Variants in IGFL2 observed in about 807,000 individuals in gnomAD.
IGFL2 encodes the protein insulin growth factor-like family member 2.
In IGFL2, 7 loss-of-function variants were observed where a neutral mutation model predicts 13.9. The ratio of observed to expected loss-of-function variants is 0.51; its 90% CI spans 0.29 to 0.95. The LOEUF is 0.95. Ranked by LOEUF, IGFL2 falls within the 40% of genes least tolerant of loss-of-function variation. The pLI, the probability that IGFL2 is intolerant of heterozygous loss-of-function variation, is 0.08. For missense variants in IGFL2, 138 were observed against 147.8 expected, an observed-to-expected ratio of 0.93 and a Z score of 0.34; for synonymous variants, 55 against 55.8, an observed-to-expected ratio of 0.99 and a Z score of 0.07.
chr19:46,194,850 ATATT>A, the IGFL2 span, among the ~76,000 whole-genome samples: 418 of 35,442 alleles, frequency 0.012, no homozygotes, highest in Admixed American at 0.02. Flanking sequence ...ATATATATAT[ATATT>A]TTTTTTTTTT....
At chr19:46,144,747 T>C (rs1600879200), upstream of IGFL2, among the ~76,000 whole-genome samples, 2 of 152,194 alleles carry the variant, frequency 1.3e-5, no homozygotes, top group South Asian at 2.1e-4. Context: ...TATAGATTCA[T>C]GTAGTCACGA....
chr19:46,209,732 T>G, the IGFL2 span: 1 of 152,080 alleles, frequency 6.6e-6, no homozygotes, highest in East Asian at 1.9e-4. Flanking sequence ...ACCTCTCCCC[T>G]CTCCTCAGAA....
At chr19:46,114,515 C>T in the IGFL2 span, among the ~76,000 whole-genome samples, 3 of 152,166 alleles carry the variant, frequency 2.0e-5, no homozygotes, top group Non-Finnish European at 4.4e-5. Context: ...TGGTTTGGCT[C>T]TGTGTCCCCA....
chr19:46,101,480 G>A, the IGFL2 span, among the ~76,000 whole-genome samples: 2 of 152,180 alleles, frequency 1.3e-5, no homozygotes, highest in African/African-American at 4.8e-5. Context: ...TCAGGGTCCA[G>A]CCTAAAGAGG....
chr19:46,208,943 A>G, the IGFL2 span: 1 of 152,188 alleles, frequency 6.6e-6, no homozygotes, highest in African/African-American at 2.4e-5. Context: ...GATTCTGGGA[A>G]CTGTGGGCAA....
chr19:46,200,473 C>CCTTTTCTTTTTTCTTTTCTTTT, the IGFL2 span, among the ~76,000 whole-genome samples: 1 of 134,174 alleles, frequency 7.5e-6, no homozygotes, highest in African/African-American at 2.8e-5. Context: ...CACACCTGGC[C>CCTTTTCTTTTTTCTTTTCTTTT]CTTTTCTTTT....
chr19:46,097,995 G>C, the IGFL2 span, among the ~76,000 whole-genome samples: 1 of 152,224 alleles, frequency 6.6e-6, no homozygotes, highest in Non-Finnish European at 1.5e-5. Flanking sequence ...TTGGGGTAGA[G>C]AGTTCTGTAG....
the IGFL2 span, among the ~76,000 whole-genome samples, chr19:46,200,509 C>CTTTTCTTTTCTTTTCTTT: frequency 5.4e-5 from 2 of 37,264 alleles, no homozygotes; most frequent in Non-Finnish European, 7.2e-5. Context: ...CTTTTCTTTT[C>CTTTTCTTTTCTTTTCTTT]TCTTTTCTTT....
At chr19:46,192,774 G>A in the IGFL2 span, among the ~76,000 whole-genome samples, 1 of 152,182 alleles carries the variant, frequency 6.6e-6, no homozygotes, top group African/African-American at 2.4e-5. Flanking sequence ...AAAGCATGGA[G>A]TCATCCCAGC....
chr19:46,141,688 T>C (rs191267580), upstream of IGFL2, among the ~76,000 whole-genome samples: 532 of 152,168 alleles, frequency 3.5e-3, 1 homozygote, highest in African/African-American at 0.012. Context: ...TAACTCTTAG[T>C]TCCCTTCAGG....
the IGFL2 span, among the ~76,000 whole-genome samples, chr19:46,182,531 T>C: frequency 7.4e-3 from 1,122 of 152,330 alleles, 10 homozygotes; most frequent in African/African-American, 0.025. Context: ...AAAAAACTTA[T>C]AATGTCACAG....
At chr19:46,189,136 G>A in the IGFL2 span, 1 of 160,324 alleles carries the variant, frequency 6.2e-6, no homozygotes, top group Non-Finnish European at 1.3e-5. Context: ...ACAAGACAAG[G>A]GGGCAGGGTG....
upstream of IGFL2, among the ~76,000 whole-genome samples, chr19:46,141,838 G>T (rs1220040402): frequency 6.6e-6 from 1 of 152,124 alleles, no homozygotes; most frequent in Non-Finnish European, 1.5e-5. Context: ...CTGGGTATTT[G>T]CCCAACCCGA....
At chr19:46,139,129 G>C (rs952480081), upstream of IGFL2, among the ~76,000 whole-genome samples, 11 of 151,972 alleles carry the variant, frequency 7.2e-5, no homozygotes, top group African/African-American at 2.7e-4. Flanking sequence ...TCAGGGCCAG[G>C]AACAAGTCCT....
the IGFL2 span, among the ~76,000 whole-genome samples, chr19:46,201,226 A>G: frequency 2.8e-4 from 42 of 152,326 alleles, no homozygotes; most frequent in African/African-American, 1.0e-3. Context: ...AGAGAGATAC[A>G]GGGATGTTCT....
chr19:46,176,501 A>G, the IGFL2 span, among the ~76,000 whole-genome samples: 1 of 152,192 alleles, frequency 6.6e-6, no homozygotes, highest in Admixed American at 6.5e-5. Flanking sequence ...CTCTGGGAGA[A>G]ACCCTCAACC....
At chr19:46,205,603 T>TGAGAGAGAGAGA in the IGFL2 span, among the ~76,000 whole-genome samples, 6 of 150,404 alleles carry the variant, frequency 4.0e-5, no homozygotes, top group African/African-American at 1.2e-4. Flanking sequence ...ATTCAGGTGC[T>TGAGAGAGAGAGA]GAGAGAGAGA....
the IGFL2 span, chr19:46,124,647 C>T: frequency 6.2e-7 from 1 of 1,608,902 alleles, no homozygotes. Flanking sequence ...ATCGTGGCCT[C>T]ATGCTTCCAA....
the IGFL2 span, among the ~76,000 whole-genome samples, chr19:46,110,900 T>C: frequency 6.6e-6 from 1 of 152,230 alleles, no homozygotes; most frequent in African/African-American, 2.4e-5. Context: ...ATTCTGTATT[T>C]AAATTTCCTG....
Sources: allele counts gnomAD v4.1 joint callset (sites outside exome capture counted in the v4.1 genomes callset), GRCh38; gene constraint gnomAD v4.1.1; transcripts MANE v1.5; gene names NCBI Gene and HGNC (gene_info 2026-07-23, HGNC 2026-07-21).